PCDH11Y: variants seen among roughly 807,000 people sequenced by gnomAD.
PCDH11Y encodes the protein protocadherin-11 Y-linked.
For missense variants in PCDH11Y, 12 were observed against 224.8 expected (o/e 0.05, Z 6.05); for synonymous variants, 9 against 83.6 (o/e 0.11, Z 4.87).
At chrY:5,577,217 A>G (rs2053447006) in intron 3 of PCDH11Y, among the ~76,000 whole-genome samples, 1 of 32,928 alleles carries the variant, frequency 3.0e-5, no homozygotes, top group Non-Finnish European at 7.5e-5. Flanking sequence ...ATGAGACTTG[A>G]AGGTGGTATC....
intron 1 of PCDH11Y, among the ~76,000 whole-genome samples, chrY:5,030,400 C>T (rs2124621386): frequency 2.9e-5 from 1 of 34,055 alleles, no homozygotes; most frequent in African/African-American, 1.1e-4. Flanking sequence ...TGTTTAATGG[C>T]TACAATTTCA....
chrY:5,598,811 TAAATGTAGAGCTGA>T (rs2053470064), intron 4 of PCDH11Y, among the ~76,000 whole-genome samples: 1 of 33,339 alleles, frequency 3.0e-5, no homozygotes, highest in African/African-American at 1.2e-4. Context: ...AAAGTGTTAC[TAAATGTAGAGCTGA>T]AAATGTAGAG....
chrY:5,354,198 A>C, intron 2 of PCDH11Y, among the ~76,000 whole-genome samples: 1 of 33,869 alleles, frequency 3.0e-5, no homozygotes, highest in Non-Finnish European at 7.3e-5. Context: ...TTTTTAAACT[A>C]GGCATGAGGA....
intron 2 of PCDH11Y, among the ~76,000 whole-genome samples, chrY:5,180,525 T>C: frequency 5.9e-5 from 2 of 33,791 alleles, no homozygotes; most frequent in African/African-American, 2.3e-4. Context: ...TCAGTACATG[T>C]TAATGTCCCT....
At chrY:5,435,480 A>AT (rs2053274037) in intron 2 of PCDH11Y, among the ~76,000 whole-genome samples, 7 of 29,222 alleles carry the variant, frequency 2.4e-4, no homozygotes, top group African/African-American at 6.8e-4. Flanking sequence ...TGCCCAGCTA[A>AT]TTTTTTTTTG....
chrY:5,474,739 A>G, intron 2 of PCDH11Y, among the ~76,000 whole-genome samples: 1 of 32,753 alleles, frequency 3.1e-5, no homozygotes, highest in Non-Finnish European at 7.6e-5. Context: ...ATTACACTAA[A>G]TATGTAGATC....
chrY:5,429,111 C>T, intron 2 of PCDH11Y, among the ~76,000 whole-genome samples: 3 of 33,307 alleles, frequency 9.0e-5, no homozygotes, highest in Admixed American at 8.3e-4. Context: ...TAAATTTGAA[C>T]GCTTAACAAT....
intron 1 of PCDH11Y, among the ~76,000 whole-genome samples, chrY:5,027,427 T>A: frequency 4.0e-5 from 1 of 25,049 alleles, no homozygotes; most frequent in Non-Finnish European, 8.6e-5. Flanking sequence ...TAGTATATTT[T>A]ATGTGAATAA....
intron 2 of PCDH11Y, among the ~76,000 whole-genome samples, chrY:5,195,268 G>A (rs2052917561): frequency 6.0e-5 from 2 of 33,515 alleles, no homozygotes; most frequent in Non-Finnish European, 1.5e-4. Flanking sequence ...TCTGCCTTTC[G>A]AAAACTTCAG....
At chrY:5,715,659 G>A in intron 4 of PCDH11Y, among the ~76,000 whole-genome samples, 1 of 28,859 alleles carries the variant, frequency 3.5e-5, no homozygotes, top group African/African-American at 1.3e-4. Flanking sequence ...AGACCTGATG[G>A]CTTCACTACT....
intron 2 of PCDH11Y, chrY:5,338,731 A>G: frequency 3.2e-6 from 1 of 312,958 alleles, no homozygotes; most frequent in Non-Finnish European, 4.8e-6. Flanking sequence ...TCCCAGTCCC[A>G]GATCGGGCTT....
intron 2 of PCDH11Y, among the ~76,000 whole-genome samples, chrY:5,191,087 C>T: frequency 3.4e-5 from 1 of 29,056 alleles, no homozygotes; most frequent in South Asian, 8.1e-4. Flanking sequence ...TGTTCTCACT[C>T]ATAAGTGGGA....
At chrY:5,332,634 G>A in intron 2 of PCDH11Y, among the ~76,000 whole-genome samples, 1 of 33,944 alleles carries the variant, frequency 2.9e-5, no homozygotes, top group South Asian at 6.4e-4. Context: ...TGTAGTCCAA[G>A]ATCTGTTCTG....
intron 3 of PCDH11Y, among the ~76,000 whole-genome samples, chrY:5,035,211 A>G: frequency 3.4e-5 from 1 of 29,381 alleles, no homozygotes; most frequent in Non-Finnish European, 8.1e-5. Flanking sequence ...TTGGATAGAT[A>G]ATATATTTGG....
chrY:5,300,574 A>T, intron 2 of PCDH11Y, among the ~76,000 whole-genome samples: 1 of 32,655 alleles, frequency 3.1e-5, no homozygotes, highest in Non-Finnish European at 7.5e-5. Flanking sequence ...GGCTGTGGAA[A>T]GGTACTTCTT....
intron 4 of PCDH11Y, among the ~76,000 whole-genome samples, chrY:5,626,121 G>C: frequency 3.3e-5 from 1 of 30,720 alleles, no homozygotes; most frequent in Non-Finnish European, 7.9e-5. Context: ...TTTATTCCTG[G>C]TTCAATCTTC....
intron 2 of PCDH11Y, among the ~76,000 whole-genome samples, chrY:5,417,967 G>A (rs2053254473): frequency 1.2e-4 from 4 of 33,519 alleles, no homozygotes; most frequent in Non-Finnish European, 3.0e-4. Context: ...TTTACGAAGC[G>A]ATATCTGTCA....
chrY:5,090,591 CT>C, intron 1 of PCDH11Y, among the ~76,000 whole-genome samples: 1 of 32,467 alleles, frequency 3.1e-5, no homozygotes, highest in South Asian at 6.8e-4. Context: ...GGGAAGAAAT[CT>C]TTTTATCAGT....
intron 2 of PCDH11Y, among the ~76,000 whole-genome samples, chrY:5,264,101 G>A: frequency 3.1e-5 from 1 of 32,157 alleles, no homozygotes; most frequent in Admixed American, 2.8e-4. Flanking sequence ...CACTGCTAAT[G>A]TTCACTTAAA....
Sources: allele counts gnomAD v4.1 joint callset (sites outside exome capture counted in the v4.1 genomes callset), GRCh38; gene constraint gnomAD v4.1.1; transcripts MANE v1.5; gene names NCBI Gene and HGNC (gene_info 2026-07-23, HGNC 2026-07-21).